The following IFT46 variants were observed in gnomAD, a reference collection of about 807,000 sequenced individuals.
IFT46 encodes intraflagellar transport 46.
A neutral mutation model predicts 39.6 loss-of-function variants in IFT46; 19 were observed. The ratio of observed to expected loss-of-function variants is 0.48; its 90% CI spans 0.33 to 0.70. The LOEUF (loss-of-function observed/expected upper bound fraction) is 0.70, where lower values mean the gene tolerates loss of function less well. Among genes scored for constraint, IFT46 ranks in the 30% least tolerant of loss-of-function variants. The pLI, the probability that IFT46 is intolerant of heterozygous loss-of-function variation, is 0.01. For synonymous variants in IFT46, 117 were observed against 134.8 expected (o/e 0.87, Z 0.91); for missense variants, 334 against 364.8 (o/e 0.92, Z 0.69).
rs1555070265 is a variant in IFT46, at chr11:118,559,823, C to T, written c.7G>A (p.Asp3Asn). MA[D>N]NSSDECEEEN... Reference sequence around the variant, plus strand: ...TCTTCACACTCATCACTGCTGTTATCAGCCATAGCCTTGTTAGGAAGATGG... The same window carrying T: ...TCTTCACACTCATCACTGCTGTTATTAGCCATAGCCTTGTTAGGAAGATGG... The change falls in exon 3 of 12, where the codon GAT becomes AAT. Residue 3 changes from aspartate (D) to asparagine (N), a missense_variant. Transcript: ENST00000264021. The T allele has an allele frequency of 6.2e-7, 1 of 1,613,190 alleles. No individual in the cohort carries two copies. The highest frequency in any genetic ancestry group is 1.3e-5 in the African/African-American group (1 of 74,904).
At chr11:118,572,836 C>G in exon 1 of IFT46, 1 of 425,136 alleles carries the variant, frequency 2.4e-6, no homozygotes, top group Non-Finnish European at 4.2e-6. Flanking sequence ...GGCGTTTTTG[C>G]TCTGCGAGAA....
chr11:118,566,610 A>G (rs1446239219), upstream of IFT46, among the ~76,000 whole-genome samples: 3 of 152,302 alleles, frequency 2.0e-5, no homozygotes, highest in East Asian at 3.9e-4. Flanking sequence ...GGAGAATGGC[A>G]TGAACCCAGG....
intron 1 of IFT46, chr11:118,572,542 C>T: frequency 6.2e-7 from 1 of 1,611,522 alleles, no homozygotes; most frequent in Non-Finnish European, 8.5e-7. Flanking sequence ...CACCACCGCC[C>T]TCACCATGGT....
In IFT46 at chr11:118,547,980, T is replaced by G. The variant is rs373015380; in HGVS notation, c.673-2127A>C. Among the ~76,000 whole-genome samples, 111 of 148,812 alleles carry G rather than the reference T, an allele frequency of 7.5e-4. 2 individuals carry two copies. The East Asian group carries it at 0.01, about 14-fold the overall frequency. The stretch of plus-strand genomic sequence containing the variant: ...CCAGGATGGTCTCGATCTCCTGACT[T>G]CGTGATCCGCCCGCCTCGGCCTCCC... On this transcript the variant is annotated intron_variant, in intron 9 of 11. Transcript: ENST00000264021.
chr11:118,546,131 A>C (rs782080393), intron 9 of IFT46: 1 of 718,596 alleles, frequency 1.4e-6, no homozygotes, highest in South Asian at 1.5e-5. Flanking sequence ...AGAAGAAATC[A>C]GGACAAAGAC....
At chr11:118,560,017 T>C (rs1937986758) in intron 2 of IFT46, 153 bp from the exon 3 acceptor site, 1 of 613,166 alleles carries the variant, frequency 1.6e-6, no homozygotes. Flanking sequence ...ATTCTAGTCA[T>C]GGCTCTGCCA....
At chr11:118,576,426 T>TAA (rs10671866), upstream of IFT46, among the ~76,000 whole-genome samples, 35,574 of 107,180 alleles carry the variant, frequency 0.33, 5,567 homozygotes, top group African/African-American at 0.44. Flanking sequence ...CCAAAAATGT[T>TAA]AAAAAAAAAA....
chr11:118,549,397 C>T (rs2135481714), intron 9 of IFT46, among the ~76,000 whole-genome samples: 1 of 151,950 alleles, frequency 6.6e-6, no homozygotes, highest in East Asian at 1.9e-4. Context: ...GTAATTTTTT[C>T]TATTACATAC....
chr11:118,571,204 G>C (rs986149524), intron 1 of IFT46, among the ~76,000 whole-genome samples: 1 of 152,110 alleles, frequency 6.6e-6, no homozygotes, highest in East Asian at 1.9e-4. Context: ...TCATATATGA[G>C]TGCCCCATTG....
upstream of IFT46, among the ~76,000 whole-genome samples, chr11:118,567,084 TA>T (rs1291937560): frequency 1.3e-4 from 19 of 150,458 alleles, no homozygotes; most frequent in African/African-American, 4.2e-4. Context: ...CTATTAAAAA[TA>T]AAAAAAAAAT....
chr11:118,557,814 C>G (rs781953586), intron 3 of IFT46: 1 of 1,614,112 alleles, frequency 6.2e-7, no homozygotes, highest in South Asian at 1.1e-5. Flanking sequence ...GCACTTGAGA[C>G]TTGCAGGGGC....
chr11:118,573,761 T>A (rs1555072921), upstream of IFT46: 1 of 646,810 alleles, frequency 1.5e-6, no homozygotes, highest in South Asian at 1.6e-5. Flanking sequence ...TTTAGGCCAC[T>A]GAACAGCTTT....
At position 118,557,028 on chromosome 11, in the gene IFT46, T is replaced by C. The variant is rs782430600; in HGVS notation, c.63A>G (p.Ser21=). The part of the protein sequence containing the change: ...EENNKEKKKT[S]QLTPQRGFSE... ...TAAAGCCCCGTTGAGGTGTCAACTG[T>C]GAGGTCTTCTTCTTCTCCTGTGATA... Residue 21 remains serine, a synonymous_variant, in exon 4 of 12, where the codon TCA becomes TCG. Coordinates refer to ENST00000264021, the MANE Select transcript of IFT46 (RefSeq NM_001168618.2). 1.2e-6 allele frequency: 2 copies of C among 1,605,530 alleles called. No homozygotes were observed. Among genetic ancestry groups the C allele is most frequent in the South Asian group, 2.2e-5 (2 of 89,370 alleles).
Position 118,556,957 on chromosome 11 carries a change from G to T in IFT46, c.134C>A (p.Thr45Asn). The T allele has an allele frequency of 6.2e-7, 1 of 1,610,836 alleles. No individual in the cohort carries two copies. The highest frequency in any genetic ancestry group is 8.5e-7 in the Non-Finnish European group (1 of 1,178,210). ...ATCATCATCATCAGAATCAGAATCAGTTTCAGATGAATCATCATCATCATC... is the reference window on the plus strand; with the variant it reads ...ATCATCATCATCAGAATCAGAATCATTTTCAGATGAATCATCATCATCATC... Reference protein sequence around the residue: ...DDDDDDDSSETDSDSDDDDEE... With the variant: ...DDDDDDDSSENDSDSDDDDEE... Residue 45 changes from threonine (T) to asparagine (N), a missense_variant, in exon 4 of 12, where the codon ACT becomes AAT. Transcript: ENST00000264021.
In IFT46 at chr11:118,545,508, G is replaced by T; in HGVS notation, c.734-14C>A. The T allele has an allele frequency of 6.3e-7, 1 of 1,597,982 alleles. No homozygotes were observed. The highest frequency in any genetic ancestry group is 8.6e-7 in the Non-Finnish European group (1 of 1,165,556). On this transcript the variant is annotated splice_polypyrimidine_tract_variant and intron_variant, in intron 10 of 11. Coordinates refer to ENST00000264021, the MANE Select transcript of IFT46 (RefSeq NM_001168618.2). ...TGTCTAGAATGGCTGAAACGAAGAA[G>T]AACTTCCAGGAACAGAAGCAAACAA... is the stretch of plus-strand genomic sequence containing the variant.
intron 1 of IFT46, among the ~76,000 whole-genome samples, chr11:118,571,289 G>A (rs1215795290): frequency 6.6e-6 from 1 of 151,976 alleles, no homozygotes; most frequent in Admixed American, 6.6e-5. Context: ...TCCTTTTTGT[G>A]ACTAAATAAT....
In IFT46 at chr11:118,552,424, A is replaced by G. The variant is rs1555068693; in HGVS notation, c.484-89T>C. 2.7e-6 allele frequency: 4 copies of G among 1,491,342 alleles called. No homozygotes were observed. The East Asian group carries it at 9.1e-5, about 34-fold the overall frequency. 92.4% of individuals were successfully genotyped at this position (1,491,342 alleles called of 1,614,324 possible). On this transcript the variant is annotated intron_variant, in intron 7 of 11. Coordinates refer to ENST00000264021, the MANE Select transcript of IFT46 (RefSeq NM_001168618.2). The stretch of plus-strand genomic sequence containing the variant: ...CTCATTATATCTGCTGCTGTTTCAT[A>G]TTCGAGCTTGCTGATGACAGCTGCT...
At chr11:118,570,624 A>T (rs1374306526), upstream of IFT46, among the ~76,000 whole-genome samples, 3 of 152,222 alleles carry the variant, frequency 2.0e-5, no homozygotes, top group Non-Finnish European at 2.9e-5. Context: ...AGAACTACTG[A>T]ATCAGCTATA....
chr11:118,554,676 T>C, intron 6 of IFT46, 89 bp from the exon 7 acceptor site: 1 of 1,373,120 alleles, frequency 7.3e-7, no homozygotes, highest in Non-Finnish European at 1.0e-6. Context: ...TTATTACTAG[T>C]ATTAAAAGCA....
Sources: allele counts gnomAD v4.1 joint callset (sites outside exome capture counted in the v4.1 genomes callset), GRCh38; gene constraint gnomAD v4.1.1; transcripts MANE v1.5; gene names NCBI Gene and HGNC (gene_info 2026-07-23, HGNC 2026-07-21).